Variants in AK9 observed in about 807,000 individuals in gnomAD.
AK9 encodes the protein adenylate kinase 9.
In AK9, 191 loss-of-function variants were observed where a neutral mutation model predicts 239.6. The observed-to-expected ratio is 0.80, with a 90% confidence interval of 0.71 to 0.90. The LOEUF (loss-of-function observed/expected upper bound fraction) is 0.90, where lower values mean the gene tolerates loss of function less well. Ranked by LOEUF, AK9 falls within the 40% of genes least tolerant of loss-of-function variation. The probability of loss-of-function intolerance (pLI) is 0.00; values close to 1 mark genes in which losing one functional copy is unlikely to be tolerated. For missense variants in AK9, 1,995 were observed against 2,214.7 expected (o/e 0.90, Z 1.99); for synonymous variants, 689 against 721.0 (o/e 0.96, Z 0.71).
In AK9 at chr6:109,545,924, A is replaced by C; in HGVS notation, c.3168T>G (p.Leu1056=). The C allele has an allele frequency of 1.2e-6, 2 of 1,613,992 alleles. No individual in the cohort carries two copies. Among genetic ancestry groups the C allele is most frequent in the Non-Finnish European group, 1.7e-6 (2 of 1,179,996 alleles). The change falls in exon 26 of 41, where the codon CTT becomes CTG. Residue 1056 remains leucine (L), a synonymous_variant. Transcript: ENST00000424296. ...SENEQAAKQE[L]EELAIQANVK... ...CATTGGCCTGAATTGCAAGCTCTTCAAGTTCTTGTTTGGCAGCTTGCTCGT... is the reference window on the plus strand; with the variant it reads ...CATTGGCCTGAATTGCAAGCTCTTCCAGTTCTTGTTTGGCAGCTTGCTCGT...
intron 21 of AK9, among the ~76,000 whole-genome samples, chr6:109,567,836 A>G (rs1786793192): frequency 6.6e-6 from 1 of 151,444 alleles, no homozygotes; most frequent in Non-Finnish European, 1.5e-5. Flanking sequence ...TACATATGTA[A>G]CAAACCTGCA....
intron 8 of AK9, among the ~76,000 whole-genome samples, chr6:109,649,663 G>A (rs1178336818): frequency 2.0e-5 from 3 of 152,150 alleles, no homozygotes; most frequent in Non-Finnish European, 4.4e-5. Flanking sequence ...TACTGCCCAA[G>A]GTAATTTATA....
intron 24 of AK9, among the ~76,000 whole-genome samples, chr6:109,558,028 G>T (rs1371463375): frequency 6.6e-6 from 1 of 152,054 alleles, no homozygotes; most frequent in Non-Finnish European, 1.5e-5. Context: ...TTAGCCATCT[G>T]TATATTTTAG....
At chr6:109,503,299 C>T (rs1053684378) in intron 35 of AK9, among the ~76,000 whole-genome samples, 1 of 151,896 alleles carries the variant, frequency 6.6e-6, no homozygotes, top group Admixed American at 6.6e-5. Context: ...TGTACTGAAC[C>T]TCACCAATCC....
intron 25 of AK9, chr6:109,549,664 C>CTTATTTTT (rs1784067010): frequency 8.2e-6 from 1 of 122,098 alleles, no homozygotes; most frequent in African/African-American, 3.0e-5. Context: ...TAGATATTTT[C>CTTATTTTT]TTTTTTTTTT....
At chr6:109,495,205 C>T in intron 39 of AK9, 133 bp downstream of exon 39, 1 of 692,874 alleles carries the variant, frequency 1.4e-6, no homozygotes, top group Non-Finnish European at 2.3e-6. Flanking sequence ...ACAAAATAGG[C>T]TGAGAGAATT....
chr6:109,566,522 C>T (rs9320300), intron 21 of AK9, among the ~76,000 whole-genome samples: 108,373 of 152,010 alleles, frequency 0.71, 39,110 homozygotes, highest in East Asian at 0.99. Flanking sequence ...ATAAAAATCA[C>T]GAGGCATAAA....
intron 5 of AK9, among the ~76,000 whole-genome samples, chr6:109,665,160 TGTTGGGCTCTATCCAGAGAAGCAATCC>T (rs1168305793): frequency 6.6e-6 from 1 of 152,226 alleles, no homozygotes; most frequent in Non-Finnish European, 1.5e-5. Context: ...GCTAACAGTG[TGTTGGGCTCTATCCAGAGAAGCAATCC>T]TACCTAATTT....
chr6:109,583,249 T>C (rs1319451005), intron 19 of AK9, among the ~76,000 whole-genome samples: 2 of 152,140 alleles, frequency 1.3e-5, no homozygotes, highest in Admixed American at 1.3e-4. Context: ...ATCTAAGACC[T>C]GAACAGAACA....
intron 35 of AK9, among the ~76,000 whole-genome samples, chr6:109,503,619 G>A (rs945497355): frequency 7.2e-5 from 11 of 152,108 alleles, no homozygotes; most frequent in Non-Finnish European, 1.0e-4. Context: ...ATTATCAGGC[G>A]GACGCTGAAG....
At chr6:109,509,701 A>G (rs1778486379) in intron 32 of AK9, among the ~76,000 whole-genome samples, 1 of 151,900 alleles carries the variant, frequency 6.6e-6, no homozygotes, top group Admixed American at 6.5e-5. Flanking sequence ...AGCAGGTAAG[A>G]CCTGCCCTCT....
chr6:109,557,648 G>A (rs1785169346), intron 24 of AK9, among the ~76,000 whole-genome samples: 1 of 152,164 alleles, frequency 6.6e-6, no homozygotes, highest in Admixed American at 6.5e-5. Flanking sequence ...CTATGTTGAT[G>A]AATTACTGAA....
At chr6:109,587,390 G>A (rs1390327029) in intron 17 of AK9, among the ~76,000 whole-genome samples, 1 of 151,956 alleles carries the variant, frequency 6.6e-6, no homozygotes, top group Non-Finnish European at 1.5e-5. Context: ...ATATTCATGG[G>A]TTACAAGTGC....
At chr6:109,637,124 G>C (rs188329623) in intron 10 of AK9, among the ~76,000 whole-genome samples, 38 of 152,208 alleles carry the variant, frequency 2.5e-4, no homozygotes, top group African/African-American at 9.2e-4. Context: ...TTGCAGTTTT[G>C]ATTTGCATTT....
At position 109,518,918 on chromosome 6, in the gene AK9, T is replaced by G. The variant is rs186670353; in HGVS notation, c.3634-2276A>C. ...GGTATGATTGATTGTGTCACCCGGA[T>G]AGTCAGCATAGTACTCAATAGTTAT... is the stretch of plus-strand genomic sequence containing the variant. On this transcript the variant is annotated intron_variant, in intron 29 of 40. Coordinates refer to ENST00000424296, the MANE Select transcript of AK9 (RefSeq NM_001145128.3). Among the ~76,000 whole-genome samples, 5 of 152,278 alleles carry G rather than the reference T, an allele frequency of 3.3e-5. No homozygotes were observed. In the East Asian group the frequency reaches 9.6e-4, roughly 29 times the overall value.
chr6:109,663,564 T>C (rs533436736), intron 5 of AK9, among the ~76,000 whole-genome samples: 1 of 152,322 alleles, frequency 6.6e-6, no homozygotes, highest in African/African-American at 2.4e-5. Flanking sequence ...AGCTTAATAA[T>C]GGGCTTTTCT....
intron 35 of AK9, among the ~76,000 whole-genome samples, chr6:109,503,325 C>T (rs892557369): frequency 6.6e-6 from 1 of 152,062 alleles, no homozygotes; most frequent in Admixed American, 6.6e-5. Flanking sequence ...GGTTTAGTGA[C>T]AGGGTAATTT....
chr6:109,650,773 C>T (rs1486701061), intron 8 of AK9, among the ~76,000 whole-genome samples: 2 of 152,158 alleles, frequency 1.3e-5, no homozygotes, highest in Non-Finnish European at 2.9e-5. Flanking sequence ...TATAAAGACA[C>T]ATGCAAACGT....
intron 27 of AK9, among the ~76,000 whole-genome samples, chr6:109,539,901 G>A (rs1782619549): frequency 6.6e-6 from 1 of 152,168 alleles, no homozygotes; most frequent in Non-Finnish European, 1.5e-5. Flanking sequence ...ATCAGCAGTG[G>A]AGGCTGCAGT....
Sources: allele counts gnomAD v4.1 joint callset (sites outside exome capture counted in the v4.1 genomes callset), GRCh38; gene constraint gnomAD v4.1.1; transcripts MANE v1.5; gene names NCBI Gene and HGNC (gene_info 2026-07-23, HGNC 2026-07-21).